LRRC4C: variants seen among roughly 807,000 people sequenced by gnomAD.
LRRC4C encodes the protein leucine-rich repeat-containing protein 4C.
In LRRC4C, 5 loss-of-function variants were observed where a neutral mutation model predicts 33.6. The ratio of observed to expected loss-of-function variants is 0.15; its 90% confidence interval spans 0.08 to 0.31. The LOEUF (loss-of-function observed/expected upper bound fraction) is 0.31. Ranked by LOEUF, LRRC4C falls within the 10% of genes least tolerant of loss-of-function variation. The pLI is 1.00. For synonymous variants in LRRC4C, 329 were observed against 302.0 expected (o/e 1.09, Z -0.93); for missense variants, 560 against 796.7 (o/e 0.70, Z 3.58).
intron 1 of LRRC4C, among the ~76,000 whole-genome samples, chr11:41,252,900 G>C (rs1158438138): frequency 6.6e-6 from 1 of 152,080 alleles, no homozygotes; most frequent in Non-Finnish European, 1.5e-5. Context: ...GCACGTGAAA[G>C]ATCCATCCCC....
chr11:40,585,467 T>C (rs1401427252), intron 3 of LRRC4C, among the ~76,000 whole-genome samples: 1 of 141,088 alleles, frequency 7.1e-6, no homozygotes, highest in East Asian at 2.0e-4. Flanking sequence ...AAATTTGAAT[T>C]TGTTATTTCT....
At chr11:40,594,440 T>C (rs981742691) in intron 3 of LRRC4C, among the ~76,000 whole-genome samples, 4 of 152,360 alleles carry the variant, frequency 2.6e-5, no homozygotes. Context: ...AGTTTTCTTT[T>C]ATGGGAATTC....
chr11:41,352,648 T>A (rs1026916018), intron 1 of LRRC4C, among the ~76,000 whole-genome samples: 1 of 151,840 alleles, frequency 6.6e-6, no homozygotes, highest in South Asian at 2.1e-4. Context: ...GTTAAAAAAA[T>A]AAAATAAAAT....
intron 4 of LRRC4C, among the ~76,000 whole-genome samples, chr11:40,294,856 A>C (rs191955269): frequency 6.6e-6 from 1 of 152,108 alleles, no homozygotes; most frequent in Non-Finnish European, 1.5e-5. Flanking sequence ...AATAAATAAA[A>C]AAAAAGAATA....
In LRRC4C at chr11:40,776,788, T is replaced by C. The variant is rs1472781367; in HGVS notation, c.-406-128510A>G. ...TCCTAGCTTTGGGGTTAGTTTGTTA[T>C]TATTTTCTAGTTCTTCTAGGTGTAA... On this transcript the variant is annotated intron_variant, in intron 2 of 6. Transcript: ENST00000528697. 3.9e-5 allele frequency among the ~76,000 whole-genome samples: 6 copies of C among 152,244 alleles called. No individual in the cohort carries two copies. In the South Asian group the frequency reaches 1.0e-3, roughly 26 times the overall value.
intron 1 of LRRC4C, among the ~76,000 whole-genome samples, chr11:41,151,033 G>GACACAC (rs138062793): frequency 3.3e-5 from 5 of 149,386 alleles, no homozygotes; most frequent in Non-Finnish European, 6.0e-5. Context: ...CACACACACA[G>GACACAC]ACACACACAC....
intron 1 of LRRC4C, among the ~76,000 whole-genome samples, chr11:41,226,932 A>G (rs980434848): frequency 2.0e-5 from 3 of 152,044 alleles, no homozygotes; most frequent in Non-Finnish European, 4.4e-5. Context: ...TATTTCAAAC[A>G]ACACAGTACA....
chr11:41,438,071 A>AAATAC (rs1955497450), intron 1 of LRRC4C, among the ~76,000 whole-genome samples: 3 of 148,328 alleles, frequency 2.0e-5, no homozygotes, highest in Admixed American at 1.3e-4. Flanking sequence ...ATAAATAAAT[A>AAATAC]ATAAAAAAAA....
At chr11:40,677,242 C>T (rs1240464705) in intron 2 of LRRC4C, among the ~76,000 whole-genome samples, 1 of 151,866 alleles carries the variant, frequency 6.6e-6, no homozygotes, top group Admixed American at 6.6e-5. Flanking sequence ...AAAAATTAGC[C>T]GCGCATGGTG....
chr11:40,490,810 C>G (rs1410315712), intron 3 of LRRC4C, among the ~76,000 whole-genome samples: 1 of 152,010 alleles, frequency 6.6e-6, no homozygotes, highest in African/African-American at 2.4e-5. Context: ...TTTTAAAAAC[C>G]TGGTTTAGGA....
chr11:40,424,048 T>G (rs1950624000), intron 3 of LRRC4C, among the ~76,000 whole-genome samples: 1 of 152,174 alleles, frequency 6.6e-6, no homozygotes, highest in Non-Finnish European at 1.5e-5. Flanking sequence ...TAAAATTGAC[T>G]AGCAAGGTGA....
chr11:41,398,730 A>T (rs896750638), intron 1 of LRRC4C, among the ~76,000 whole-genome samples: 2 of 151,954 alleles, frequency 1.3e-5, no homozygotes, highest in Non-Finnish European at 2.9e-5. Context: ...GACAAAGATG[A>T]TAACTATATT....
intron 1 of LRRC4C, among the ~76,000 whole-genome samples, chr11:41,335,550 G>A (rs967801416): frequency 6.6e-6 from 1 of 151,956 alleles, no homozygotes; most frequent in African/African-American, 2.4e-5. Flanking sequence ...TTCCATAGAG[G>A]GTAGAATTTC....
intron 1 of LRRC4C, among the ~76,000 whole-genome samples, chr11:41,408,182 C>T (rs1487172469): frequency 6.6e-6 from 1 of 152,088 alleles, no homozygotes; most frequent in Non-Finnish European, 1.5e-5. Flanking sequence ...AAATTCCAAG[C>T]CGGTTGTATT....
chr11:41,418,072 G>A (rs1004537984), intron 1 of LRRC4C, among the ~76,000 whole-genome samples: 4 of 151,682 alleles, frequency 2.6e-5, no homozygotes, highest in African/African-American at 4.8e-5. Context: ...TACTTGGCTA[G>A]CTCAAATATT....
At chr11:40,946,726 A>G (rs1958419484) in intron 1 of LRRC4C, among the ~76,000 whole-genome samples, 1 of 152,178 alleles carries the variant, frequency 6.6e-6, no homozygotes, top group South Asian at 2.1e-4. Flanking sequence ...AAAAGTAACA[A>G]AGAAATTATG....
At chr11:40,819,091 C>T (rs913836494) in intron 2 of LRRC4C, among the ~76,000 whole-genome samples, 3 of 152,030 alleles carry the variant, frequency 2.0e-5, no homozygotes, top group Admixed American at 6.6e-5. Flanking sequence ...TCCAATGATA[C>T]GTAATCCTGT....
At chr11:40,423,361 T>C in intron 3 of LRRC4C, among the ~76,000 whole-genome samples, 1 of 148,068 alleles carries the variant, frequency 6.8e-6, no homozygotes, top group Admixed American at 6.8e-5. Context: ...TTTTTTTTTT[T>C]TGAGACGGAG....
At chr11:41,445,759 T>C (rs1462345617) in intron 1 of LRRC4C, among the ~76,000 whole-genome samples, 2 of 152,092 alleles carry the variant, frequency 1.3e-5, no homozygotes, top group Non-Finnish European at 2.9e-5. Context: ...AATGTGTGAA[T>C]AAAACATACA....
Sources: gnomAD v4.1 joint callset for allele counts (sites outside exome capture counted in the v4.1 genomes callset) on GRCh38, gnomAD v4.1.1 for gene constraint, MANE v1.5 for transcripts, NCBI Gene and HGNC (gene_info 2026-07-23, HGNC 2026-07-21) for gene names.